Variants in CNNM2 observed in about 807,000 individuals in gnomAD.
CNNM2 encodes metal transporter CNNM2.
In CNNM2, 12 loss-of-function variants were observed where a neutral mutation model predicts 66.9. The observed-to-expected ratio is 0.18, with a 90% CI of 0.11 to 0.29. The LOEUF (loss-of-function observed/expected upper bound fraction) is 0.29, where lower values mean the gene tolerates loss of function less well. Ranked by LOEUF, CNNM2 falls within the 10% of genes least tolerant of loss-of-function variation. CNNM2 has a pLI of 1.00. For missense variants in CNNM2, 705 were observed against 1,167.7 expected (o/e 0.60, Z 5.77); for synonymous variants, 557 against 501.8 (o/e 1.11, Z -1.47).
Position 103,089,979 on chromosome 10 carries a change from TCTC to T in CNNM2, c.*12803_*12805del. ...TAGCTACTCCCCAAATCCTAACCCC[TCTC>T]CTCTGTTAGGTGGCCATGCAATTAC... On this transcript the variant is annotated 3_prime_UTR_variant, in exon 8 of 8. Transcript: ENST00000369878. 3.9e-6 allele frequency: 5 copies of T among 1,268,276 alleles called. No homozygotes were observed. Among genetic ancestry groups the T allele is most frequent in the Non-Finnish European group, 5.4e-6 (5 of 920,058 alleles). The allele number at this position is 1,268,276 out of a possible 1,614,324, so 78.6% of individuals were successfully genotyped here.
chr10:103,068,522 T>G, intron 4 of CNNM2, 107 bp from the exon 5 acceptor site: 1 of 896,820 alleles, frequency 1.1e-6, no homozygotes, highest in South Asian at 1.4e-5. Context: ...TCGATAGTGT[T>G]GGGAAAAGAA....
intron 1 of CNNM2, among the ~76,000 whole-genome samples, chr10:102,997,410 C>G (rs2064023620): frequency 1.3e-5 from 2 of 152,090 alleles, no homozygotes; most frequent in South Asian, 4.1e-4. Flanking sequence ...GATGCATGTT[C>G]TTTCCAAATA....
intron 1 of CNNM2, among the ~76,000 whole-genome samples, chr10:103,007,961 G>T (rs867813216): frequency 2.0e-5 from 3 of 152,142 alleles, no homozygotes; most frequent in South Asian, 2.1e-4. Flanking sequence ...TTCCTCTGCC[G>T]CGGCTCCAGC....
chr10:102,957,605 T>G (rs931259515), intron 1 of CNNM2, among the ~76,000 whole-genome samples: 1 of 152,198 alleles, frequency 6.6e-6, no homozygotes, highest in East Asian at 1.9e-4. Flanking sequence ...TGTCCGACTT[T>G]TCACCAAAGA....
chr10:102,932,716 A>C (rs921505781), intron 1 of CNNM2, among the ~76,000 whole-genome samples: 16 of 152,072 alleles, frequency 1.1e-4, no homozygotes, highest in Non-Finnish European at 1.9e-4. Context: ...TCAGGAGTTC[A>C]AGACCAGCCT....
chr10:102,997,366 T>C (rs1048518006), intron 1 of CNNM2, among the ~76,000 whole-genome samples: 1 of 152,218 alleles, frequency 6.6e-6, no homozygotes, highest in African/African-American at 2.4e-5. Flanking sequence ...TACAACTTGC[T>C]GTTCGGGCCA....
chr10:103,054,146 C>T lies in CNNM2; in HGVS notation c.1766-183C>T, dbSNP rs775823528. Among the ~76,000 whole-genome samples the T allele has an allele frequency of 8.5e-5, 13 of 152,148 alleles. No individual in the cohort carries two copies. Among genetic ancestry groups the T allele is most frequent in the Non-Finnish European group, 7.4e-5 (5 of 68,024 alleles). ...GCGGACTGCGTGGTGCCCAGGCCGCCGTGCTGATTTGATGAGGATCTGGCT... is the reference window on the plus strand; with the variant it reads ...GCGGACTGCGTGGTGCCCAGGCCGCTGTGCTGATTTGATGAGGATCTGGCT... On this transcript the variant is annotated intron_variant, in intron 2 of 7. Transcript: ENST00000369878. This position sits in a 1 kb window ranked among gnomAD's most constrained non-coding sequence, Gnocchi z 5.2.
intron 1 of CNNM2, among the ~76,000 whole-genome samples, chr10:102,979,886 A>G (rs752483635): frequency 1.1e-4 from 16 of 151,932 alleles, no homozygotes; most frequent in Non-Finnish European, 1.9e-4. Flanking sequence ...AAAGTTAACT[A>G]CTTTGTTCTC....
intron 1 of CNNM2, among the ~76,000 whole-genome samples, chr10:102,996,340 T>C (rs530987069): frequency 8.5e-5 from 13 of 152,316 alleles, no homozygotes; most frequent in South Asian, 2.1e-4. Flanking sequence ...ATCTTTTTTT[T>C]CCACTTTTTA....
chr10:102,942,526 C>A (rs368554274), intron 1 of CNNM2, among the ~76,000 whole-genome samples: 1 of 152,118 alleles, frequency 6.6e-6, no homozygotes, highest in African/African-American at 2.4e-5. Flanking sequence ...AATTATGTTC[C>A]GTTGTGTATA....
chr10:103,056,114 A>G (rs903914430), intron 3 of CNNM2, among the ~76,000 whole-genome samples: 9 of 151,906 alleles, frequency 5.9e-5, no homozygotes, highest in Non-Finnish European at 7.4e-5. Context: ...TAAATTAAAA[A>G]AAAAGAAAAC....
At chr10:102,987,589 G>A (rs1366964803) in intron 1 of CNNM2, among the ~76,000 whole-genome samples, 1 of 152,006 alleles carries the variant, frequency 6.6e-6, no homozygotes, top group African/African-American at 2.4e-5. Context: ...CCAAAGTGCT[G>A]GGATTACAGG....
intron 4 of CNNM2, among the ~76,000 whole-genome samples, chr10:103,060,838 C>T (rs767371533): frequency 1.3e-5 from 2 of 151,882 alleles, no homozygotes; most frequent in African/African-American, 4.8e-5. Flanking sequence ...TCTCACCATG[C>T]GCATGTACTA....
chr10:102,923,466 G>C (rs1362800664), intron 1 of CNNM2, among the ~76,000 whole-genome samples: 4 of 152,118 alleles, frequency 2.6e-5, no homozygotes, highest in African/African-American at 9.7e-5. Flanking sequence ...TTTTAACTTA[G>C]GTCTTTGTGA....
At chr10:102,994,217 G>A (rs573762142) in intron 1 of CNNM2, among the ~76,000 whole-genome samples, 13 of 152,298 alleles carry the variant, frequency 8.5e-5, no homozygotes, top group South Asian at 6.2e-4. Flanking sequence ...GATTACAGGC[G>A]TGAGCTACCG....
chr10:102,943,251 C>A (rs544663177), intron 1 of CNNM2, among the ~76,000 whole-genome samples: 3 of 151,448 alleles, frequency 2.0e-5, no homozygotes, highest in South Asian at 2.1e-4. Context: ...ACCAAAAAAA[C>A]CCACCAAAAA....
intron 1 of CNNM2, among the ~76,000 whole-genome samples, chr10:102,984,813 A>G (rs1273711884): frequency 6.6e-6 from 1 of 151,922 alleles, no homozygotes; most frequent in Non-Finnish European, 1.5e-5. Flanking sequence ...CGCCTGGCTA[A>G]TTTTTGTATT....
At chr10:102,927,252 G>A in intron 1 of CNNM2, 1 of 1,534,740 alleles carries the variant, frequency 6.5e-7, no homozygotes, top group Non-Finnish European at 8.9e-7. Context: ...CATATAAAGA[G>A]TACTATTAAA....
At position 103,085,348 on chromosome 10, in the gene CNNM2, A is replaced by C. The variant is rs1201105882; in HGVS notation, c.*8168A>C. Reference sequence around the variant, plus strand: ...AGTCAAAGATAACTCTGGTGAGAACACTCTCTCAAAGACTGGACACTGAGT... The same window carrying C: ...AGTCAAAGATAACTCTGGTGAGAACCCTCTCTCAAAGACTGGACACTGAGT... On this transcript the variant is annotated 3_prime_UTR_variant, in exon 8 of 8. Transcript: ENST00000369878. 1 of 152,164 alleles carries C rather than the reference A, an allele frequency of 6.6e-6. No individual in the cohort carries two copies. The highest frequency in any genetic ancestry group is 6.5e-5 in the Admixed American group (1 of 15,282). The allele number at this position is 152,164 out of a possible 1,614,324, so 9.4% of individuals were successfully genotyped here.
Sources: gnomAD v4.1 joint callset for allele counts (sites outside exome capture counted in the v4.1 genomes callset) on GRCh38, gnomAD v4.1.1 for gene constraint, Gnocchi (gnomAD v3.1) non-coding constraint, MANE v1.5 for transcripts, NCBI Gene and HGNC (gene_info 2026-07-23, HGNC 2026-07-21) for gene names.